The following GRXCR2 variants were observed in gnomAD, a reference collection of about 807,000 sequenced individuals.
The protein encoded by GRXCR2 is glutaredoxin domain-containing cysteine-rich protein 2.
GRXCR2 carries 23 observed loss-of-function variants against 24.8 expected under a neutral mutation model. The observed-to-expected ratio is 0.93, with a 90% CI of 0.67 to 1.32. The LOEUF (loss-of-function observed/expected upper bound fraction) is 1.32. GRXCR2 is among the 40% of genes most tolerant of loss of function. The pLI, the probability that GRXCR2 is intolerant of heterozygous loss-of-function variation, is 0.00. For missense variants in GRXCR2, 315 were observed against 303.4 expected (o/e 1.04, Z -0.28); for synonymous variants, 130 against 116.1 (o/e 1.12, Z -0.77).
At chr5:145,919,358 A>G (rs180713765) in intron 2 of GRXCR2, among the ~76,000 whole-genome samples, 1 of 152,368 alleles carries the variant, frequency 6.6e-6, no homozygotes, top group East Asian at 1.9e-4. Context: ...CCTTGCATGC[A>G]TATCTAATTA....
intron 2 of GRXCR2, among the ~76,000 whole-genome samples, chr5:145,909,449 C>T (rs1408277923): frequency 6.6e-6 from 1 of 150,782 alleles, no homozygotes; most frequent in Non-Finnish European, 1.5e-5. Context: ...TGCCTCTATC[C>T]AAGTATCCAG....
chr5:145,930,996 G>C (rs1757469633), intron 2 of GRXCR2, among the ~76,000 whole-genome samples: 1 of 152,104 alleles, frequency 6.6e-6, no homozygotes, highest in Non-Finnish European at 1.5e-5. Flanking sequence ...TTCAAACCGG[G>C]TCTGTTAGAC....
intron 2 of GRXCR2, among the ~76,000 whole-genome samples, chr5:145,906,123 T>C (rs1435614188): frequency 6.6e-6 from 1 of 152,196 alleles, no homozygotes; most frequent in Non-Finnish European, 1.5e-5. Flanking sequence ...ATGGCACCTA[T>C]GTATGTTTCT....
intron 2 of GRXCR2, among the ~76,000 whole-genome samples, chr5:145,861,717 C>T (rs191907146): frequency 1.3e-5 from 2 of 152,174 alleles, no homozygotes; most frequent in African/African-American, 4.8e-5. Flanking sequence ...TCTGGAGAAC[C>T]CTTCCTGTTC....
chr5:145,917,115 T>C (rs1221392948), intron 2 of GRXCR2, among the ~76,000 whole-genome samples: 1 of 146,376 alleles, frequency 6.8e-6, no homozygotes, highest in Non-Finnish European at 1.5e-5. Flanking sequence ...ACCTCCAGAA[T>C]CCACATCTCC....
At chr5:145,894,042 A>G (rs375519767) in intron 2 of GRXCR2, among the ~76,000 whole-genome samples, 2 of 152,372 alleles carry the variant, frequency 1.3e-5, no homozygotes, top group African/African-American at 4.8e-5. Flanking sequence ...CACTGGGTGC[A>G]TAATGAAATG....
chr5:145,872,918 C>G lies in GRXCR2; in HGVS notation c.51G>C (p.Arg17=), dbSNP rs1202627915. 4 of 1,614,076 alleles carry G rather than the reference C, an allele frequency of 2.5e-6. No homozygotes were observed. The African/African-American group carries it at 4.0e-5, about 16-fold the overall frequency. The change falls in exon 1 of 3, where the codon CGG becomes CGC. Residue 17 remains arginine (R), a synonymous_variant. Transcript: ENST00000377976. ...KLNQKSDGKP[R]KVRFKISSSY... ...AGGAGGAGATTTTAAATCGTACTTT[C>G]CGGGGTTTGCCATCACTCTTCTGAT...
At chr5:145,878,043 C>G (rs535507456) in intron 2 of GRXCR2, among the ~76,000 whole-genome samples, 89 of 152,322 alleles carry the variant, frequency 5.8e-4, no homozygotes, top group Non-Finnish European at 9.7e-4. Flanking sequence ...ATCTGTAGGT[C>G]ACGAACATCA....
At chr5:145,881,829 C>A (rs1458235980) in intron 2 of GRXCR2, among the ~76,000 whole-genome samples, 2 of 152,064 alleles carry the variant, frequency 1.3e-5, no homozygotes, top group African/African-American at 2.4e-5. Flanking sequence ...GATATATAGA[C>A]CAATGGAACA....
chr5:145,896,467 G>T (rs1394076977), intron 2 of GRXCR2, among the ~76,000 whole-genome samples: 2 of 152,166 alleles, frequency 1.3e-5, no homozygotes, highest in African/African-American at 4.8e-5. Context: ...CAGAAAATGG[G>T]TGAAGGATAT....
At chr5:145,875,590 T>C (rs539524571), upstream of GRXCR2, among the ~76,000 whole-genome samples, 11 of 149,348 alleles carry the variant, frequency 7.4e-5, no homozygotes, top group Non-Finnish European at 1.6e-4. Context: ...GATCAGAAGA[T>C]TTTTTTTTTA....
chr5:145,860,163 G>A lies in GRXCR2; in HGVS notation c.565-248C>T, dbSNP rs532676054. 2.0e-5 allele frequency among the ~76,000 whole-genome samples: 3 copies of A among 152,306 alleles called. No homozygotes were observed. In the East Asian group the frequency reaches 5.8e-4, roughly 29 times the overall value. On this transcript the variant is annotated intron_variant, in intron 2 of 2. Coordinates refer to ENST00000377976, the MANE Select transcript of GRXCR2 (RefSeq NM_001080516.2). ...CACACTTTGCATTCCAAGACTTCAT[G>A]ATCTTCATTGCCCTTGTCACTATCT...
At position 145,904,909 on chromosome 5, in the gene GRXCR2, G is replaced by A. The variant is rs192375199; in HGVS notation, c.-70+30792C>T. The stretch of plus-strand genomic sequence containing the variant: ...AGGGCGCATGGTTCTTCTCCCCTCC[G>A]TGGCTTGGGCTTTTTAGGGTGTAAC... On this transcript the variant is annotated intron_variant, in intron 2 of 3. Transcript: ENST00000639411. 3.3e-5 allele frequency among the ~76,000 whole-genome samples: 5 copies of A among 152,222 alleles called. No homozygotes were observed. The East Asian group carries it at 7.7e-4, about 24-fold the overall frequency.
At chr5:145,881,074 T>C (rs1756693244) in intron 2 of GRXCR2, among the ~76,000 whole-genome samples, 1 of 152,336 alleles carries the variant, frequency 6.6e-6, no homozygotes, top group South Asian at 2.1e-4. Context: ...GCCAATATCA[T>C]ACTGAATGGG....
intron 2 of GRXCR2, among the ~76,000 whole-genome samples, chr5:145,881,616 G>C (rs143689297): frequency 1.7e-3 from 262 of 152,254 alleles, no homozygotes; most frequent in African/African-American, 6.1e-3. Flanking sequence ...GTAATTTATA[G>C]ATTCAATGCC....
At chr5:145,918,309 A>G (rs1757268374) in intron 2 of GRXCR2, among the ~76,000 whole-genome samples, 1 of 152,214 alleles carries the variant, frequency 6.6e-6, no homozygotes, top group Admixed American at 6.5e-5. Flanking sequence ...GAAGCTAAAT[A>G]ATTAGCCTGT....
At chr5:145,880,221 C>CA (rs796780466) in intron 2 of GRXCR2, among the ~76,000 whole-genome samples, 14 of 151,138 alleles carry the variant, frequency 9.3e-5, no homozygotes, top group South Asian at 2.1e-4. Context: ...GATAGAGACA[C>CA]AAAAAAAACC....
chr5:145,930,820 A>G (rs1757467338), intron 2 of GRXCR2, among the ~76,000 whole-genome samples: 1 of 152,238 alleles, frequency 6.6e-6, no homozygotes, highest in Non-Finnish European at 1.5e-5. Context: ...GCCTACATCT[A>G]TTAAGCACTA....
At chr5:145,876,769 C>T (rs372398576), upstream of GRXCR2, among the ~76,000 whole-genome samples, 86 of 152,296 alleles carry the variant, frequency 5.6e-4, 3 homozygotes, top group South Asian at 0.017. Context: ...CCATGTTCAT[C>T]TGAAAATTTT....
Sources: allele counts gnomAD v4.1 joint callset (sites outside exome capture counted in the v4.1 genomes callset), GRCh38; gene constraint gnomAD v4.1.1; transcripts MANE v1.5; gene names NCBI Gene and HGNC (gene_info 2026-07-23, HGNC 2026-07-21).